TRHR: variants seen among roughly 807,000 people sequenced by gnomAD.
The protein encoded by TRHR is thyrotropin releasing hormone receptor, also known as thyrotropin-releasing hormone receptor.
TRHR carries 14 observed loss-of-function variants against 28.0 expected under a neutral mutation model. The observed-to-expected ratio is 0.50, with a 90% CI of 0.33 to 0.78. The LOEUF (loss-of-function observed/expected upper bound fraction) is 0.78. TRHR is among the 30% of genes least tolerant of loss of function. TRHR has a pLI of 0.02. For synonymous variants in TRHR, 176 were observed against 171.9 expected (o/e 1.02, Z -0.18); for missense variants, 438 against 469.5 (o/e 0.93, Z 0.62).
intron 2 of TRHR, among the ~76,000 whole-genome samples, chr8:109,096,770 T>C (rs1443487832): frequency 6.6e-6 from 1 of 152,174 alleles, no homozygotes; most frequent in African/African-American, 2.4e-5. Flanking sequence ...TGTGTGTATG[T>C]ATATATACAA....
At chr8:109,095,712 T>A (rs932952391) in intron 2 of TRHR, among the ~76,000 whole-genome samples, 75 of 152,298 alleles carry the variant, frequency 4.9e-4, no homozygotes, top group African/African-American at 1.7e-3. Context: ...ATCCAATAGG[T>A]CTAAAGCAAA....
intron 2 of TRHR, among the ~76,000 whole-genome samples, chr8:109,099,719 C>A (rs1458148368): frequency 6.6e-6 from 1 of 152,146 alleles, no homozygotes; most frequent in Non-Finnish European, 1.5e-5. Flanking sequence ...AAATAGATAA[C>A]ATTTCAAAAA....
At chr8:109,093,682 G>A (rs1458327660) in intron 2 of TRHR, among the ~76,000 whole-genome samples, 1 of 151,854 alleles carries the variant, frequency 6.6e-6, no homozygotes, top group Non-Finnish European at 1.5e-5. Flanking sequence ...GGGATTACAG[G>A]CATGAGCCAC....
chr8:109,114,439 T>G (rs1168460860), intron 2 of TRHR, among the ~76,000 whole-genome samples: 1 of 152,054 alleles, frequency 6.6e-6, no homozygotes, highest in Non-Finnish European at 1.5e-5. Context: ...GTACCCCTTT[T>G]TGCAGCTGTA....
chr8:109,113,321 AC>A lies in TRHR; in HGVS notation c.790-5726del, dbSNP rs370729733. On this transcript the variant is annotated intron_variant, in intron 2 of 2. Coordinates refer to ENST00000518632, the MANE Select transcript of TRHR (RefSeq NM_003301.7). ...TATGTTATGTTGAGAATGGCATGTC[AC>A]TCCTGTGGCCTCCCTCTCAAAAATT... Among the ~76,000 whole-genome samples the A allele has an allele frequency of 9.2e-5, 14 of 152,160 alleles. No individual in the cohort carries two copies. In the South Asian group the frequency reaches 2.9e-3, roughly 32 times the overall value.
chr8:109,089,587 A>T (rs1490711728), intron 2 of TRHR, among the ~76,000 whole-genome samples: 2 of 152,196 alleles, frequency 1.3e-5, no homozygotes, highest in Non-Finnish European at 2.9e-5. Flanking sequence ...ATTATTAAAG[A>T]TAACTAGATG....
chr8:109,102,364 G>A (rs990760193), intron 2 of TRHR, among the ~76,000 whole-genome samples: 2 of 152,130 alleles, frequency 1.3e-5, no homozygotes, highest in Non-Finnish European at 2.9e-5. Flanking sequence ...CATGGTTCCT[G>A]AGGAGGCAAG....
intron 2 of TRHR, among the ~76,000 whole-genome samples, chr8:109,098,635 C>G (rs1811630790): frequency 6.6e-6 from 1 of 152,190 alleles, no homozygotes; most frequent in Admixed American, 6.5e-5. Flanking sequence ...CTTTCCCAAA[C>G]TCATCTGCCC....
intron 2 of TRHR, among the ~76,000 whole-genome samples, chr8:109,104,428 A>G (rs1811721446): frequency 6.6e-6 from 1 of 152,190 alleles, no homozygotes; most frequent in Non-Finnish European, 1.5e-5. Context: ...AGTGTTATGT[A>G]GTACTGCTAG....
In TRHR at chr8:109,119,558, A is replaced by T. The variant is rs1276841178; in HGVS notation, c.*103A>T. ...ATAGTCATATGTGAAGACAGAGCAGATCAGTCTTTGTCAATGCTCTAACAA... is the reference window on the plus strand; with the variant it reads ...ATAGTCATATGTGAAGACAGAGCAGTTCAGTCTTTGTCAATGCTCTAACAA... On this transcript the variant is annotated 3_prime_UTR_variant, in exon 3 of 3. Transcript: ENST00000518632. 1.4e-6 allele frequency: 2 copies of T among 1,395,386 alleles called. No homozygotes were observed. The highest frequency in any genetic ancestry group is 2.0e-6 in the Non-Finnish European group (2 of 1,012,028). 86.4% of individuals were successfully genotyped at this position (1,395,386 alleles called of 1,614,324 possible).
intron 2 of TRHR, among the ~76,000 whole-genome samples, chr8:109,107,181 T>A (rs1489570341): frequency 6.6e-6 from 1 of 152,182 alleles, no homozygotes. Context: ...TATAAAGTGT[T>A]CAATAGGATA....
In TRHR at chr8:109,120,548, T is replaced by C. The variant is rs1165295606; in HGVS notation, c.*1093T>C. Among the ~76,000 whole-genome samples the C allele has an allele frequency of 2.0e-5, 3 of 151,806 alleles. No homozygotes were observed. The highest frequency in any genetic ancestry group is 4.4e-5 in the Non-Finnish European group (3 of 67,856). ...ATTGTCTTTCCTTCCTATCTGCTTG[T>C]TGTTTGTAGGTTCTTTTTTTGTTTT... On this transcript the variant is annotated 3_prime_UTR_variant, in exon 3 of 3. Transcript: ENST00000518632.
At chr8:109,096,067 A>G (rs1366079080) in intron 2 of TRHR, among the ~76,000 whole-genome samples, 1 of 152,170 alleles carries the variant, frequency 6.6e-6, no homozygotes, top group Non-Finnish European at 1.5e-5. Context: ...CATAATTTTT[A>G]CACTCCCCTG....
At chr8:109,088,448 A>G (rs1286088032) in intron 2 of TRHR, 147 bp downstream of exon 2, 3 of 890,828 alleles carry the variant, frequency 3.4e-6, no homozygotes, top group Non-Finnish European at 5.1e-6. Context: ...TGCCTAACAT[A>G]TTAAATCCAT....
chr8:109,119,482 C>A lies in TRHR; in HGVS notation c.*27C>A, dbSNP rs371399354. ...TCATGAATTAGAAGAAAATGGATGA[C>A]AAAGAAAATGAGAATCTGTGCAGTC... On this transcript the variant is annotated 3_prime_UTR_variant, in exon 3 of 3. Transcript: ENST00000518632. The A allele has an allele frequency of 6.2e-7, 1 of 1,608,760 alleles. No individual in the cohort carries two copies. Among genetic ancestry groups the A allele is most frequent in the Non-Finnish European group, 8.5e-7 (1 of 1,178,334 alleles).
At chr8:109,115,145 G>A (rs1287968281) in intron 2 of TRHR, among the ~76,000 whole-genome samples, 1 of 152,084 alleles carries the variant, frequency 6.6e-6, no homozygotes, top group Non-Finnish European at 1.5e-5. Context: ...CGTTATTTCT[G>A]AGGGCTCTGT....
At chr8:109,102,420 T>G (rs558826699) in intron 2 of TRHR, among the ~76,000 whole-genome samples, 1 of 152,204 alleles carries the variant, frequency 6.6e-6, no homozygotes, top group Non-Finnish European at 1.5e-5. Flanking sequence ...TCAGAAAGGA[T>G]TGTGCCTAAT....
intron 2 of TRHR, among the ~76,000 whole-genome samples, chr8:109,097,710 A>T (rs1412620797): frequency 6.6e-6 from 1 of 152,180 alleles, no homozygotes; most frequent in Non-Finnish European, 1.5e-5. Context: ...CAGTCTGCAG[A>T]AGTAGTCAAT....
intron 2 of TRHR, among the ~76,000 whole-genome samples, chr8:109,089,472 A>G (rs1407278868): frequency 1.3e-5 from 2 of 152,144 alleles, no homozygotes; most frequent in Non-Finnish European, 2.9e-5. Context: ...CTGCTAAAAA[A>G]TTTAAGTGTT....
Sources: gnomAD v4.1 joint callset for allele counts (sites outside exome capture counted in the v4.1 genomes callset) on GRCh38, gnomAD v4.1.1 for gene constraint, MANE v1.5 for transcripts, NCBI Gene and HGNC (gene_info 2026-07-23, HGNC 2026-07-21) for gene names.